Variants in SH3KBP1 observed in about 807,000 individuals in gnomAD.
SH3KBP1 encodes SH3 domain-containing kinase-binding protein 1.
A neutral mutation model predicts 50.1 loss-of-function variants in SH3KBP1; 8 were observed. The ratio of observed to expected loss-of-function variants is 0.16; its 90% CI spans 0.09 to 0.29. SH3KBP1 has a LOEUF of 0.29. Ranked by LOEUF, SH3KBP1 falls within the 10% of genes least tolerant of loss-of-function variation. The pLI, the probability that SH3KBP1 is intolerant of heterozygous loss-of-function variation, is 1.00. For missense variants in SH3KBP1, 377 were observed against 535.2 expected (o/e 0.70, Z 2.92); for synonymous variants, 227 against 218.6 (o/e 1.04, Z -0.34).
intron 2 of SH3KBP1, among the ~76,000 whole-genome samples, chrX:19,782,457 G>T (rs943342513): frequency 8.9e-6 from 1 of 111,892 alleles, no homozygotes; most frequent in Non-Finnish European, 1.9e-5. Context: ...AGGCCTCTGG[G>T]TCTGGTTCCA....
rs1053134177 is a variant in SH3KBP1 at position 19,609,570 on chromosome X, A to T, written c.898-1525T>A. On this transcript the variant is annotated intron_variant, in intron 8 of 17. Coordinates refer to ENST00000397821, the MANE Select transcript of SH3KBP1 (RefSeq NM_031892.3). Reference sequence around the variant, plus strand: ...AGAAGGTGACAGAGAAAGAGAGGAGATCATGTTCAGGGCCCATGGAGAACC... The same window carrying T: ...AGAAGGTGACAGAGAAAGAGAGGAGTTCATGTTCAGGGCCCATGGAGAACC... Among the ~76,000 whole-genome samples, 6 of 111,905 alleles carry T rather than the reference A, an allele frequency of 5.4e-5. No individual in the cohort carries two copies. In the Admixed American group the frequency reaches 5.7e-4, roughly 11 times the overall value.
chrX:19,604,607 C>G (rs775020355), intron 9 of SH3KBP1, among the ~76,000 whole-genome samples: 60 of 111,886 alleles, frequency 5.4e-4, no homozygotes, highest in Non-Finnish European at 8.3e-4. Context: ...AGTGGCAGAA[C>G]GTTTCAGACT....
At chrX:19,866,877 A>G (rs906279039) in intron 1 of SH3KBP1, among the ~76,000 whole-genome samples, 6 of 109,071 alleles carry the variant, frequency 5.5e-5, no homozygotes, top group African/African-American at 2.0e-4. Context: ...GAGAAATACT[A>G]TCCAAACGTA....
At chrX:19,611,422 C>T (rs1481528135) in intron 8 of SH3KBP1, among the ~76,000 whole-genome samples, 7 of 111,883 alleles carry the variant, frequency 6.3e-5, no homozygotes, top group East Asian at 2.8e-4. Flanking sequence ...GGCGTGATCT[C>T]GGCTCACTGC....
At chrX:19,713,844 A>G (rs1053984424) in intron 3 of SH3KBP1, among the ~76,000 whole-genome samples, 4 of 111,550 alleles carry the variant, frequency 3.6e-5, no homozygotes, top group African/African-American at 1.3e-4. Context: ...CCAGTAACCA[A>G]CCTCTCTACT....
intron 1 of SH3KBP1, among the ~76,000 whole-genome samples, chrX:19,844,780 T>C (rs963085452): frequency 8.9e-5 from 10 of 112,109 alleles, no homozygotes; most frequent in Non-Finnish European, 1.3e-4. Context: ...CACAGCTCTT[T>C]TAAGAATATG....
chrX:19,609,616 T>A (rs1410045514), intron 8 of SH3KBP1, among the ~76,000 whole-genome samples: 2 of 111,965 alleles, frequency 1.8e-5, no homozygotes, highest in Non-Finnish European at 3.8e-5. Flanking sequence ...ACGACACCAG[T>A]GGGATTAGAA....
At chrX:19,608,219 G>A (rs1375360568) in intron 8 of SH3KBP1, among the ~76,000 whole-genome samples, 174 bp from the exon 9 acceptor site, 3 of 111,147 alleles carry the variant, frequency 2.7e-5, no homozygotes, top group Admixed American at 1.9e-4. Flanking sequence ...GCTTAAGTCC[G>A]CTTAACAATG....
At chrX:19,723,422 C>T (rs2064131687) in intron 3 of SH3KBP1, among the ~76,000 whole-genome samples, 1 of 112,061 alleles carries the variant, frequency 8.9e-6, no homozygotes, top group Admixed American at 9.4e-5. Flanking sequence ...CCAAGATTCT[C>T]GTCAACTTAA....
At chrX:19,540,599 G>A in intron 16 of SH3KBP1, among the ~76,000 whole-genome samples, 1 of 111,264 alleles carries the variant, frequency 9.0e-6, no homozygotes, top group Non-Finnish European at 1.9e-5. Flanking sequence ...AGGTGACAGG[G>A]CTTCTGCTGA....
At chrX:19,872,529 T>C (rs892441328) in intron 1 of SH3KBP1, among the ~76,000 whole-genome samples, 7 of 109,828 alleles carry the variant, frequency 6.4e-5, no homozygotes, top group African/African-American at 2.0e-4. Context: ...CCCAGTACTT[T>C]GGGAGGCCGA....
chrX:19,859,408 A>G (rs1271103730), intron 1 of SH3KBP1, among the ~76,000 whole-genome samples: 1 of 111,631 alleles, frequency 9.0e-6, no homozygotes, highest in Admixed American at 9.5e-5. Context: ...TCAGCCTCCC[A>G]AAGTTCTGGG....
chrX:19,566,522 T>A (rs2065847177), intron 13 of SH3KBP1, among the ~76,000 whole-genome samples: 1 of 111,486 alleles, frequency 9.0e-6, no homozygotes, highest in Admixed American at 9.5e-5. Flanking sequence ...CAAGACAGCC[T>A]CCTGAGGTCG....
intron 3 of SH3KBP1, among the ~76,000 whole-genome samples, chrX:19,730,298 G>C (rs2064339370): frequency 8.9e-6 from 1 of 111,823 alleles, no homozygotes; most frequent in African/African-American, 3.3e-5. Flanking sequence ...CAACATAGCA[G>C]AACTCTATTT....
In SH3KBP1 at chrX:19,668,352, C is replaced by T. The variant is rs150133466; in HGVS notation, c.726+15471G>A. On this transcript the variant is annotated intron_variant, in intron 6 of 17. Coordinates refer to ENST00000397821, the MANE Select transcript of SH3KBP1 (RefSeq NM_031892.3). Reference sequence around the variant, plus strand: ...TGAAATCCCATCCCTACTAAAAATACAAAAATTAGCCAGGTGTGGTGGCGG... The same window carrying T: ...TGAAATCCCATCCCTACTAAAAATATAAAAATTAGCCAGGTGTGGTGGCGG... Among the ~76,000 whole-genome samples the T allele has an allele frequency of 3.2e-3, 346 of 107,693 alleles. 1 individual carries two copies. Among genetic ancestry groups the T allele is most frequent in the African/African-American group, 0.011 (318 of 29,446 alleles). 93.5% of individuals were successfully genotyped at this position (107,693 alleles called of 115,157 possible). A position where few individuals can be genotyped will look rare whatever the true frequency, so the allele number is the denominator to read the frequency against.
intron 7 of SH3KBP1, among the ~76,000 whole-genome samples, chrX:19,639,807 G>C (rs889891368): frequency 2.7e-5 from 3 of 110,246 alleles, no homozygotes; most frequent in African/African-American, 9.9e-5. Context: ...GAGTTTGGGG[G>C]AGGATATGTG....
intron 3 of SH3KBP1, among the ~76,000 whole-genome samples, chrX:19,712,146 AAAT>A (rs2063791495): frequency 8.9e-6 from 1 of 112,436 alleles, no homozygotes; most frequent in Admixed American, 9.4e-5. Flanking sequence ...ATGCCTTCCT[AAAT>A]AGCAGCTCCA....
intron 6 of SH3KBP1, among the ~76,000 whole-genome samples, chrX:19,679,226 T>A (rs963863199): frequency 3.6e-5 from 4 of 111,624 alleles, no homozygotes; most frequent in African/African-American, 1.3e-4. Flanking sequence ...CTATACTCTA[T>A]TATTATTGTT....
intron 1 of SH3KBP1, among the ~76,000 whole-genome samples, chrX:19,851,826 C>T (rs1187273998): frequency 1.8e-5 from 2 of 112,086 alleles, no homozygotes; most frequent in Non-Finnish European, 3.8e-5. Context: ...CATGAGCCAC[C>T]ATGCCCGGCA....
Sources: allele counts gnomAD v4.1 joint callset (sites outside exome capture counted in the v4.1 genomes callset), GRCh38; gene constraint gnomAD v4.1.1; transcripts MANE v1.5; gene names NCBI Gene and HGNC (gene_info 2026-07-23, HGNC 2026-07-21).